NXPE4: variants seen among roughly 807,000 people sequenced by gnomAD.
The protein encoded by NXPE4 is NXPE family member 4.
NXPE4 carries 42 observed loss-of-function variants against 33.3 expected under a neutral mutation model. The observed-to-expected ratio is 1.26, with a 90% confidence interval of 0.98 to 1.63. NXPE4 has a LOEUF of 1.63. Ranked by LOEUF, NXPE4 falls within the 40% of genes most tolerant of loss-of-function variation. The pLI is 0.00. For missense variants in NXPE4, 709 were observed against 647.6 expected, an observed-to-expected ratio of 1.09 and a Z score of -1.03; for synonymous variants, 253 against 234.9, an observed-to-expected ratio of 1.08 and a Z score of -0.71.
At chr11:114,650,156 G>A in the NXPE4 span, among the ~76,000 whole-genome samples, 6 of 152,196 alleles carry the variant, frequency 3.9e-5, no homozygotes, top group South Asian at 4.2e-4. Context: ...CCAAATGGCC[G>A]GAATTCTAAA....
At chr11:114,592,829 A>G (rs1376161301) in intron 2 of NXPE4, among the ~76,000 whole-genome samples, 1 of 152,168 alleles carries the variant, frequency 6.6e-6, no homozygotes, top group Non-Finnish European at 1.5e-5. Flanking sequence ...ATATAGTCAC[A>G]TACACCAATG....
At chr11:114,642,649 T>C in the NXPE4 span, among the ~76,000 whole-genome samples, 4 of 152,244 alleles carry the variant, frequency 2.6e-5, no homozygotes, top group African/African-American at 9.6e-5. Context: ...ACATCTTCTT[T>C]ATCCAGTCTA....
chr11:114,662,557 C>T, the NXPE4 span, among the ~76,000 whole-genome samples: 1 of 152,154 alleles, frequency 6.6e-6, no homozygotes, highest in African/African-American at 2.4e-5. Context: ...TTCTGAGACA[C>T]CAGCTGCGGT....
chr11:114,580,744 A>G (rs1478993472), intron 4 of NXPE4, among the ~76,000 whole-genome samples: 1 of 152,228 alleles, frequency 6.6e-6, no homozygotes, highest in Non-Finnish European at 1.5e-5. Flanking sequence ...CCATCAAAAT[A>G]TAAATCCTTT....
At chr11:114,662,701 C>T in the NXPE4 span, among the ~76,000 whole-genome samples, 1 of 152,062 alleles carries the variant, frequency 6.6e-6, no homozygotes, top group Non-Finnish European at 1.5e-5. Context: ...ATTTAGGATA[C>T]CAGCTCAGTC....
chr11:114,582,656 C>T lies in NXPE4; in HGVS notation c.462G>A (p.Lys154=). Residue 154 remains lysine, a synonymous_variant, in exon 3 of 6, where the codon AAG becomes AAA. Coordinates refer to ENST00000375478, the MANE Select transcript of NXPE4 (RefSeq NM_001077639.2). ...SPALMAGASG[K]VTDFNNGTYL... ...AGGTGCCGTTGTTGAAGTCAGTCACCTTTCCTGAAGCACCTGCCATCAGCG... is the reference window on the plus strand; with the variant it reads ...AGGTGCCGTTGTTGAAGTCAGTCACTTTTCCTGAAGCACCTGCCATCAGCG... 1 of 1,614,196 alleles carries T rather than the reference C, an allele frequency of 6.2e-7. No individual in the cohort carries two copies. Among genetic ancestry groups the T allele is most frequent in the Non-Finnish European group, 8.5e-7 (1 of 1,180,006 alleles).
intron 2 of NXPE4, among the ~76,000 whole-genome samples, chr11:114,591,524 A>G (rs1949453794): frequency 6.6e-6 from 1 of 152,126 alleles, no homozygotes; most frequent in African/African-American, 2.4e-5. Flanking sequence ...CATGACATCA[A>G]CTTGAAGCCC....
chr11:114,665,902 T>C, the NXPE4 span, among the ~76,000 whole-genome samples: 1 of 152,150 alleles, frequency 6.6e-6, no homozygotes, highest in South Asian at 2.1e-4. Context: ...CTAAAATAGT[T>C]GTCTCCATGA....
intron 4 of NXPE4, 25 bp from the exon 5 acceptor site, chr11:114,580,363 A>G (rs776735170): frequency 1.9e-6 from 3 of 1,600,576 alleles, no homozygotes; most frequent in Non-Finnish European, 2.6e-6. Context: ...ATGAGATAGG[A>G]TCTTCCAAAA....
At chr11:114,597,601 G>T (rs1237015361), upstream of NXPE4, among the ~76,000 whole-genome samples, 1 of 152,134 alleles carries the variant, frequency 6.6e-6, no homozygotes, top group Admixed American at 6.5e-5. Flanking sequence ...ATGACACCTA[G>T]TGCCTAGACC....
At chr11:114,629,707 A>G in the NXPE4 span, among the ~76,000 whole-genome samples, 3 of 151,948 alleles carry the variant, frequency 2.0e-5, no homozygotes, top group Non-Finnish European at 4.4e-5. Flanking sequence ...AGGGTATTCA[A>G]TTAGGAAAAG....
chr11:114,636,762 G>A, the NXPE4 span, among the ~76,000 whole-genome samples: 6 of 152,088 alleles, frequency 3.9e-5, no homozygotes, highest in African/African-American at 1.4e-4. Flanking sequence ...TTTCCATGTA[G>A]TTGAGTAGTT....
chr11:114,616,184 A>T, the NXPE4 span, among the ~76,000 whole-genome samples: 2 of 147,790 alleles, frequency 1.4e-5, no homozygotes, highest in South Asian at 2.2e-4. Flanking sequence ...ATGATAAGTA[A>T]TGTCTCATGA....
At chr11:114,653,024 T>C in the NXPE4 span, among the ~76,000 whole-genome samples, 2 of 152,246 alleles carry the variant, frequency 1.3e-5, no homozygotes, top group Non-Finnish European at 2.9e-5. Flanking sequence ...TGGGGGGTTC[T>C]GCTGATGTAG....
intron 5 of NXPE4, among the ~76,000 whole-genome samples, chr11:114,573,975 C>T (rs952348110): frequency 4.6e-5 from 7 of 152,014 alleles, no homozygotes; most frequent in Admixed American, 3.9e-4. Flanking sequence ...AAACAAGTCT[C>T]AGTAAATTTA....
the NXPE4 span, among the ~76,000 whole-genome samples, chr11:114,646,468 T>A: frequency 6.6e-6 from 1 of 152,024 alleles, no homozygotes; most frequent in African/African-American, 2.4e-5. Flanking sequence ...TTGAGGTGAA[T>A]CTCATTTCAT....
the NXPE4 span, among the ~76,000 whole-genome samples, chr11:114,607,038 AT>A: frequency 6.6e-6 from 1 of 151,996 alleles, no homozygotes; most frequent in Non-Finnish European, 1.5e-5. Context: ...TACCCAGTGG[AT>A]AATAAGTATT....
chr11:114,632,585 T>C, the NXPE4 span, among the ~76,000 whole-genome samples: 1 of 110,718 alleles, frequency 9.0e-6, no homozygotes, highest in Non-Finnish European at 1.7e-5. Context: ...CATATATTTA[T>C]TGTATATTGA....
chr11:114,630,303 T>C, the NXPE4 span, among the ~76,000 whole-genome samples: 34 of 151,938 alleles, frequency 2.2e-4, no homozygotes, highest in African/African-American at 6.8e-4. Flanking sequence ...CAAAACAGCA[T>C]GGTACTGGTA....
Sources: gnomAD v4.1 joint callset for allele counts (sites outside exome capture counted in the v4.1 genomes callset) on GRCh38, gnomAD v4.1.1 for gene constraint, MANE v1.5 for transcripts, NCBI Gene and HGNC (gene_info 2026-07-23, HGNC 2026-07-21) for gene names.